CEP72: variants seen among roughly 807,000 people sequenced by gnomAD.
CEP72 encodes centrosomal protein of 72 kDa.
Under a neutral mutation model 65.7 loss-of-function variants are expected in CEP72, and 78 were observed. The ratio of observed to expected loss-of-function variants is 1.19; its 90% CI spans 0.99 to 1.43. The LOEUF (loss-of-function observed/expected upper bound fraction) is 1.43. Ranked by LOEUF, CEP72 falls within the 40% of genes most tolerant of loss-of-function variation. CEP72 has a pLI of 0.00. For synonymous variants in CEP72, 358 were observed against 351.7 expected (o/e 1.02, Z -0.20); for missense variants, 914 against 832.9 (o/e 1.10, Z -1.20).
downstream of CEP72, among the ~76,000 whole-genome samples, chr5:657,510 T>C (rs1056201636): frequency 3.9e-5 from 6 of 152,256 alleles, no homozygotes; most frequent in Non-Finnish European, 8.8e-5. Flanking sequence ...CCATGGATGT[T>C]TGATGGAACT....
At chr5:614,662 G>A (rs1246644526) in intron 1 of CEP72, among the ~76,000 whole-genome samples, 1 of 151,948 alleles carries the variant, frequency 6.6e-6, no homozygotes, top group African/African-American at 2.4e-5. Flanking sequence ...CGCCCGGCCT[G>A]ACCTGTGGAT....
At position 633,756 on chromosome 5, in the gene CEP72, C is replaced by T. The variant is rs201839571; in HGVS notation, c.513-13C>T. ...GGCTTGAGTGATGCTGATGAGTTTG[C>T]TTTTCCTTACAGACCACACCACCCC... On this transcript the variant is annotated splice_polypyrimidine_tract_variant and intron_variant, in intron 4 of 11. Coordinates refer to ENST00000264935, the MANE Select transcript of CEP72 (RefSeq NM_018140.4). 5.9e-4 allele frequency: 950 copies of T among 1,613,226 alleles called. 5 individuals are homozygous for T. The highest frequency in any genetic ancestry group is 1.0e-4 in the Non-Finnish European group (119 of 1,179,496).
chr5:657,571 T>G (rs1464470496), downstream of CEP72, among the ~76,000 whole-genome samples: 2 of 152,266 alleles, frequency 1.3e-5, no homozygotes, highest in African/African-American at 4.8e-5. Flanking sequence ...GAGGTTTGAC[T>G]ACTGATCCAG....
intron 8 of CEP72, among the ~76,000 whole-genome samples, chr5:640,078 C>T (rs1055891397): frequency 3.3e-5 from 5 of 152,230 alleles, no homozygotes; most frequent in Admixed American, 2.0e-4. Flanking sequence ...TGCCAGCTGT[C>T]GTCTGCATGG....
downstream of CEP72, among the ~76,000 whole-genome samples, chr5:658,835 AT>A (rs1321330142): frequency 1.3e-5 from 2 of 151,452 alleles, no homozygotes; most frequent in Non-Finnish European, 2.9e-5. Flanking sequence ...CGCCTGGCTA[AT>A]TTTTTGTATT....
intron 4 of CEP72, among the ~76,000 whole-genome samples, chr5:629,620 C>T (rs1354849640): frequency 1.0e-5 from 1 of 100,040 alleles, no homozygotes; most frequent in Non-Finnish European, 2.0e-5. Flanking sequence ...GGATTTGGCC[C>T]AGTCCTGGTG....
At chr5:625,031 C>T (rs1189190529) in intron 4 of CEP72, among the ~76,000 whole-genome samples, 6 of 152,154 alleles carry the variant, frequency 3.9e-5, no homozygotes, top group Non-Finnish European at 7.4e-5. Context: ...GTGACGGTGC[C>T]GGGATGCGCC....
chr5:675,500 G>A, the CEP72 span, among the ~76,000 whole-genome samples: 1 of 144,966 alleles, frequency 6.9e-6, no homozygotes. Context: ...ATTGTGGCCG[G>A]GGCTGCAGTG....
chr5:637,515 A>G lies in CEP72; in HGVS notation c.905-2A>G, dbSNP rs769900529. On this transcript the variant is annotated splice_acceptor_variant, in intron 6 of 11. Transcript: ENST00000264935. LOFTEE classifies it high-confidence loss of function. ...GTGCGCCCCATCCTCTCTATATCTC[A>G]GACTCCATGGATACCGAGGACTCGG... 4 of 1,610,992 alleles carry G rather than the reference A, an allele frequency of 2.5e-6. No individual in the cohort carries two copies. In the African/African-American group the frequency reaches 5.3e-5, roughly 22 times the overall value.
At chr5:651,360 C>T (rs1215196122) in intron 11 of CEP72, among the ~76,000 whole-genome samples, 1 of 145,036 alleles carries the variant, frequency 6.9e-6, no homozygotes, top group Non-Finnish European at 1.5e-5. Context: ...GTGACTGAGG[C>T]ATGGACTGTG....
intron 1 of CEP72, among the ~76,000 whole-genome samples, chr5:613,445 A>G (rs986560119): frequency 6.6e-6 from 1 of 151,984 alleles, no homozygotes; most frequent in African/African-American, 2.4e-5. Context: ...ATCTCAGCTC[A>G]CTGCAACCTC....
rs540644061 is a variant in CEP72, at chr5:634,404, A to C, written c.691+457A>C. Among the ~76,000 whole-genome samples, 3 of 152,300 alleles carry C rather than the reference A, an allele frequency of 2.0e-5. No individual in the cohort carries two copies. The South Asian group carries it at 6.2e-4, about 32-fold the overall frequency. ...CACTGCCCTCCACTGGGATGTGCTG[A>C]TGGGCTTTAGCTTCATTTATTCCAC... On this transcript the variant is annotated intron_variant, in intron 5 of 11. Transcript: ENST00000264935.
chr5:674,468 C>A, the CEP72 span, among the ~76,000 whole-genome samples: 2 of 151,332 alleles, frequency 1.3e-5, no homozygotes, highest in African/African-American at 4.9e-5. Context: ...TAAATATAGC[C>A]GACCCAGTTT....
chr5:636,415 C>T (rs1305070576), intron 6 of CEP72, among the ~76,000 whole-genome samples: 1 of 152,188 alleles, frequency 6.6e-6, no homozygotes, highest in African/African-American at 2.4e-5. Flanking sequence ...CAGGTTATGG[C>T]AATAGCTACA....
At chr5:651,462 G>T (rs1739087773) in intron 11 of CEP72, among the ~76,000 whole-genome samples, 1 of 151,976 alleles carries the variant, frequency 6.6e-6, no homozygotes, top group Non-Finnish European at 1.5e-5. Flanking sequence ...CATGAGAGAT[G>T]GTCGGGCACG....
At chr5:644,143 G>A (rs1049281026) in intron 9 of CEP72, 156 bp from the exon 10 acceptor site, 8 of 786,546 alleles carry the variant, frequency 1.0e-5, no homozygotes, top group Admixed American at 2.4e-5. Flanking sequence ...CTGGGAGCAG[G>A]GAGATGTACC....
chr5:642,684 G>T, intron 9 of CEP72: 2 of 985,460 alleles, frequency 2.0e-6, no homozygotes, highest in African/African-American at 1.7e-5. Context: ...GGACAGAGCA[G>T]CCCTGGTTCC....
chr5:637,599 C>T lies in CEP72; in HGVS notation c.987C>T (p.Pro329=), dbSNP rs553435382. The change falls in exon 7 of 12, where the codon CCC becomes CCT. Residue 329 remains proline (P), a synonymous_variant. Transcript: ENST00000264935. The part of the protein sequence containing the change: ...GEMVPGPLPA[P]GKCRKRRMPV... ...TGGTGCCTGGTCCCCTGCCAGCCCC[C>T]GGAAAGTGCAGGAAGCGAAGAATGC... 208 of 1,614,032 alleles carry T rather than the reference C, an allele frequency of 1.3e-4. 1 individual carries two copies. The highest frequency in any genetic ancestry group is 3.5e-4 in the South Asian group (32 of 91,076).
At chr5:616,724 G>C (rs9687500) in intron 1 of CEP72, among the ~76,000 whole-genome samples, 3,983 of 152,238 alleles carry the variant, frequency 0.026, 69 homozygotes, top group African/African-American at 0.041. Flanking sequence ...GTTCTAGCCA[G>C]GCCGGGACAG....
Sources: gnomAD v4.1 joint callset for allele counts (sites outside exome capture counted in the v4.1 genomes callset) on GRCh38, gnomAD v4.1.1 for gene constraint, MANE v1.5 for transcripts, NCBI Gene and HGNC (gene_info 2026-07-23, HGNC 2026-07-21) for gene names.